The following MAD1L1 variants were observed in gnomAD, a reference collection of about 807,000 sequenced individuals.
MAD1L1 encodes the protein mitotic arrest deficient 1 like 1.
A neutral mutation model predicts 96.9 loss-of-function variants in MAD1L1; 95 were observed. That is an observed-to-expected ratio of 0.98 (90% confidence interval 0.83 to 1.16). The LOEUF is 1.16. MAD1L1 is among the 50% of genes most tolerant of loss of function. The probability of loss-of-function intolerance (pLI) is 0.00; values close to 1 mark genes in which losing one functional copy is unlikely to be tolerated. For missense variants in MAD1L1, 1,007 were observed against 954.4 expected (o/e 1.06, Z -0.73); for synonymous variants, 473 against 396.6 (o/e 1.19, Z -2.29).
intron 11 of MAD1L1, among the ~76,000 whole-genome samples, chr7:2,115,015 G>C (rs1186947268): frequency 2.0e-5 from 3 of 152,236 alleles, no homozygotes; most frequent in Non-Finnish European, 4.4e-5. Context: ...GAGAAGAGCA[G>C]AGCGCCTGGG....
At chr7:1,870,630 TGCCACGCTGAACCCAACATATG>T (rs1785016787) in intron 18 of MAD1L1, among the ~76,000 whole-genome samples, 1 of 143,056 alleles carries the variant, frequency 7.0e-6, no homozygotes, top group Non-Finnish European at 1.5e-5. Flanking sequence ...AACATATGCC[TGCCACGCTGAACCCAACATATG>T]CCTGCCACGC....
intron 17 of MAD1L1, among the ~76,000 whole-genome samples, chr7:1,906,916 G>C (rs954823688): frequency 6.6e-6 from 1 of 152,210 alleles, no homozygotes; most frequent in African/African-American, 2.4e-5. Context: ...GTGTGCGTCT[G>C]TCCCTGAACA....
At chr7:1,912,443 G>C (rs561846182) in intron 17 of MAD1L1, among the ~76,000 whole-genome samples, 5 of 152,346 alleles carry the variant, frequency 3.3e-5, no homozygotes, top group Admixed American at 1.3e-4. Context: ...ATAAGAATGG[G>C]TGGCCACTGC....
At chr7:2,053,545 G>A (rs566626271) in intron 12 of MAD1L1, among the ~76,000 whole-genome samples, 37 of 152,336 alleles carry the variant, frequency 2.4e-4, no homozygotes, top group African/African-American at 4.1e-4. Flanking sequence ...CTGTGTGAAG[G>A]CCCCAAGGCC....
At chr7:2,151,613 T>C (rs1268634549) in intron 10 of MAD1L1, among the ~76,000 whole-genome samples, 1 of 152,242 alleles carries the variant, frequency 6.6e-6, no homozygotes, top group East Asian at 1.9e-4. Flanking sequence ...ACAAGCTTCT[T>C]GCCCCAAGGT....
intron 12 of MAD1L1, among the ~76,000 whole-genome samples, chr7:2,048,665 C>G (rs1023108561): frequency 1.3e-5 from 2 of 152,228 alleles, no homozygotes; most frequent in African/African-American, 4.8e-5. Flanking sequence ...AAGTCCCCCT[C>G]CGCCCCTCTG....
intron 17 of MAD1L1, among the ~76,000 whole-genome samples, chr7:1,918,299 G>C (rs919512539): frequency 6.6e-6 from 1 of 152,134 alleles, no homozygotes; most frequent in Non-Finnish European, 1.5e-5. Context: ...CTCAGCCCCA[G>C]CGCAGTCCCC....
intron 17 of MAD1L1, among the ~76,000 whole-genome samples, chr7:1,898,967 C>T (rs1562503042): frequency 1.3e-5 from 2 of 152,240 alleles, no homozygotes; most frequent in Non-Finnish European, 2.9e-5. Flanking sequence ...CCAGCACCGA[C>T]AAACAGGGAG....
intron 11 of MAD1L1, among the ~76,000 whole-genome samples, chr7:2,106,918 C>T (rs1395369763): frequency 6.6e-6 from 1 of 152,158 alleles, no homozygotes; most frequent in Non-Finnish European, 1.5e-5. Context: ...GGCAGGGGCC[C>T]GGGGGTCCAG....
intron 1 of MAD1L1, among the ~76,000 whole-genome samples, chr7:2,231,604 T>C (rs1794193088): frequency 6.6e-6 from 1 of 151,982 alleles, no homozygotes; most frequent in South Asian, 2.1e-4. Context: ...AAGACTCCGT[T>C]TCAAAAAATA....
At chr7:2,009,266 A>G (rs1782182061) in intron 13 of MAD1L1, among the ~76,000 whole-genome samples, 1 of 152,334 alleles carries the variant, frequency 6.6e-6, no homozygotes, top group South Asian at 2.1e-4. Flanking sequence ...CCTGCCAGCC[A>G]GGACATGGCA....
intron 10 of MAD1L1, among the ~76,000 whole-genome samples, chr7:2,154,096 T>C (rs951801302): frequency 1.3e-5 from 2 of 151,972 alleles, no homozygotes; most frequent in Non-Finnish European, 2.9e-5. Context: ...TCAGAGGTTG[T>C]AGTGAGCCAA....
chr7:2,198,464 G>A (rs1386218943), intron 10 of MAD1L1, among the ~76,000 whole-genome samples: 2 of 152,252 alleles, frequency 1.3e-5, no homozygotes, highest in East Asian at 1.9e-4. Context: ...CCAGGGCTGA[G>A]ACAAGGGGGA....
At chr7:2,221,275 C>A (rs929427938) in intron 5 of MAD1L1, among the ~76,000 whole-genome samples, 1 of 152,190 alleles carries the variant, frequency 6.6e-6, no homozygotes, top group African/African-American at 2.4e-5. Context: ...GCGGGGACAG[C>A]CCCCGGCCCA....
intron 2 of MAD1L1, 36 bp from the exon 3 acceptor site, chr7:2,230,179 C>T (rs1460824777): frequency 1.3e-6 from 2 of 1,544,942 alleles, no homozygotes; most frequent in Non-Finnish European, 8.8e-7. Context: ...TCAGGGGCAG[C>T]CTTTCCACGT....
intron 17 of MAD1L1, among the ~76,000 whole-genome samples, chr7:1,914,027 C>T (rs4719353): frequency 2.1e-4 from 32 of 152,018 alleles, no homozygotes; most frequent in Non-Finnish European, 3.1e-4. Flanking sequence ...GTCTCCCCCC[C>T]CAGCACGCCT....
intron 13 of MAD1L1, among the ~76,000 whole-genome samples, chr7:2,009,495 CACA>C (rs1782194029): frequency 6.6e-6 from 1 of 152,216 alleles, no homozygotes; most frequent in African/African-American, 2.4e-5. Flanking sequence ...TGGCTTGTGA[CACA>C]ACGTGAAGAA....
intron 18 of MAD1L1, among the ~76,000 whole-genome samples, chr7:1,819,495 G>A (rs1164485589): frequency 6.6e-6 from 1 of 152,202 alleles, no homozygotes; most frequent in Non-Finnish European, 1.5e-5. Context: ...TGGAAGCAGA[G>A]AGGGCCTGCC....
intron 18 of MAD1L1, among the ~76,000 whole-genome samples, chr7:1,868,409 C>T (rs1192587288): frequency 3.3e-5 from 5 of 152,210 alleles, no homozygotes; most frequent in African/African-American, 4.8e-5. Flanking sequence ...CCACGCAGGC[C>T]GCGCCTCCCG....
Sources: allele counts gnomAD v4.1 joint callset (sites outside exome capture counted in the v4.1 genomes callset), GRCh38; gene constraint gnomAD v4.1.1; transcripts MANE v1.5; gene names NCBI Gene and HGNC (gene_info 2026-07-23, HGNC 2026-07-21).